The following KCNH8 variants were observed in gnomAD, a reference collection of about 807,000 sequenced individuals.
KCNH8 encodes the protein potassium voltage-gated channel subfamily H member 8.
In KCNH8, 70 loss-of-function variants were observed where a neutral mutation model predicts 103.6. The observed-to-expected ratio is 0.68, with a 90% CI of 0.56 to 0.82. The LOEUF is 0.82. Among genes scored for constraint, KCNH8 ranks in the 40% least tolerant of loss-of-function variants. KCNH8 has a pLI of 0.00. For synonymous variants in KCNH8, 498 were observed against 489.4 expected (o/e 1.02, Z -0.23); for missense variants, 1,217 against 1,329.9 (o/e 0.92, Z 1.32).
chr3:19,502,668 C>G (rs938662931), intron 11 of KCNH8, among the ~76,000 whole-genome samples: 77 of 151,592 alleles, frequency 5.1e-4, no homozygotes, highest in African/African-American at 1.8e-3. Flanking sequence ...GAAAAACAAG[C>G]AATGGGGAAA....
At chr3:19,356,419 G>A (rs2065882674) in intron 5 of KCNH8, among the ~76,000 whole-genome samples, 1 of 151,924 alleles carries the variant, frequency 6.6e-6, no homozygotes, top group Admixed American at 6.6e-5. Flanking sequence ...GTGTCTGATT[G>A]TAATTATGCT....
chr3:19,459,340 G>T (rs542669437), intron 11 of KCNH8, among the ~76,000 whole-genome samples: 1 of 151,858 alleles, frequency 6.6e-6, no homozygotes, highest in South Asian at 2.1e-4. Flanking sequence ...TAGCAATATT[G>T]AGCATATTTT....
At chr3:19,313,490 C>T (rs2065232557) in intron 3 of KCNH8, among the ~76,000 whole-genome samples, 1 of 151,866 alleles carries the variant, frequency 6.6e-6, no homozygotes, top group Non-Finnish European at 1.5e-5. Flanking sequence ...CACTATATGA[C>T]ACAAAAGCAT....
intron 1 of KCNH8, among the ~76,000 whole-genome samples, chr3:19,168,380 A>G (rs142824691): frequency 1.1e-4 from 16 of 152,264 alleles, no homozygotes; most frequent in African/African-American, 3.4e-4. Flanking sequence ...TATAAATGGA[A>G]TTATATAGTA....
In KCNH8 at chr3:19,451,160, G is replaced by T; in HGVS notation, c.1581G>T (p.Leu527Phe). The change falls in exon 10 of 16, where the codon TTG becomes TTT. Residue 527 changes from leucine (L) to phenylalanine (F), a missense_variant. Transcript: ENST00000328405. ...TCCTTCATCTTCTCTGACAGCTTTTGAAAGACTTTCCAGATGAACTGCGTT... is the reference window on the plus strand; with the variant it reads ...TCCTTCATCTTCTCTGACAGCTTTTTAAAGACTTTCCAGATGAACTGCGTT... ...VNNGIDSNEL[L>F]KDFPDELRSD... The T allele has an allele frequency of 6.2e-7, 1 of 1,613,568 alleles. No homozygotes were observed. Among genetic ancestry groups the T allele is most frequent in the South Asian group, 1.1e-5 (1 of 91,062 alleles).
chr3:19,257,492 A>G (rs541604126), intron 2 of KCNH8, among the ~76,000 whole-genome samples: 1 of 152,166 alleles, frequency 6.6e-6, no homozygotes, highest in South Asian at 2.1e-4. Context: ...CAACTTTAAT[A>G]TCAACTTTAA....
At chr3:19,489,147 G>A (rs551212572) in intron 11 of KCNH8, among the ~76,000 whole-genome samples, 1 of 152,082 alleles carries the variant, frequency 6.6e-6, no homozygotes, top group African/African-American at 2.4e-5. Context: ...TTCCTCTTTT[G>A]TCTATGCTGG....
chr3:19,490,266 G>C (rs1405231846), intron 11 of KCNH8, among the ~76,000 whole-genome samples: 2 of 152,222 alleles, frequency 1.3e-5, no homozygotes, highest in African/African-American at 4.8e-5. Context: ...GAACCGCTCA[G>C]ACACCGAATT....
intron 3 of KCNH8, among the ~76,000 whole-genome samples, chr3:19,299,101 T>C (rs1475946633): frequency 6.6e-6 from 1 of 152,126 alleles, no homozygotes; most frequent in Non-Finnish European, 1.5e-5. Context: ...ACACTGACAG[T>C]GTCCCTTGGT....
At chr3:19,166,319 T>C (rs1481194598) in intron 1 of KCNH8, among the ~76,000 whole-genome samples, 1 of 152,214 alleles carries the variant, frequency 6.6e-6, no homozygotes, top group Non-Finnish European at 1.5e-5. Context: ...TTTATGATGC[T>C]ACCTGTGAGA....
intron 1 of KCNH8, among the ~76,000 whole-genome samples, chr3:19,199,536 A>G (rs1049804592): frequency 2.7e-5 from 4 of 149,832 alleles, no homozygotes; most frequent in African/African-American, 9.9e-5. Context: ...GATCATTGCT[A>G]GAATCAATTC....
intron 2 of KCNH8, among the ~76,000 whole-genome samples, chr3:19,260,384 C>G (rs961623877): frequency 6.7e-6 from 1 of 149,660 alleles, no homozygotes. Flanking sequence ...CATGACCTTC[C>G]TCTTTTACAA....
intron 10 of KCNH8, among the ~76,000 whole-genome samples, chr3:19,454,195 TG>T (rs2067495654): frequency 2.1e-5 from 3 of 140,244 alleles, no homozygotes; most frequent in East Asian, 4.3e-4. Context: ...TGTGTGTGTG[TG>T]TTTTCTTTCT....
intron 7 of KCNH8, among the ~76,000 whole-genome samples, chr3:19,425,702 A>T (rs2067018934): frequency 6.6e-6 from 1 of 152,182 alleles, no homozygotes; most frequent in Non-Finnish European, 1.5e-5. Flanking sequence ...ATGAAGGGGC[A>T]ATTGCTGGCA....
intron 7 of KCNH8, among the ~76,000 whole-genome samples, chr3:19,401,123 G>T (rs2066607204): frequency 6.6e-6 from 1 of 151,878 alleles, no homozygotes; most frequent in Non-Finnish European, 1.5e-5. Context: ...ATGAACCAAG[G>T]ATCTCCTTTA....
intron 7 of KCNH8, among the ~76,000 whole-genome samples, chr3:19,400,886 T>C (rs560553446): frequency 6.6e-6 from 1 of 152,072 alleles, no homozygotes; most frequent in African/African-American, 2.4e-5. Flanking sequence ...CTAAAGAAGG[T>C]TGAATTTACT....
At position 19,156,148 on chromosome 3, in the gene KCNH8, C is replaced by G. The variant is rs1172103940; in HGVS notation, c.76+7353C>G. On this transcript the variant is annotated intron_variant, in intron 1 of 15. Coordinates refer to ENST00000328405, the MANE Select transcript of KCNH8 (RefSeq NM_144633.3). ...CAAGCACAAATTTCTTTTACAAACT[C>G]TAGTGATAATAGTGTCTATCATCTT... Among the ~76,000 whole-genome samples the G allele has an allele frequency of 2.0e-5, 3 of 152,148 alleles. No individual in the cohort carries two copies. The East Asian group carries it at 5.8e-4, about 29-fold the overall frequency.
intron 15 of KCNH8, among the ~76,000 whole-genome samples, chr3:19,524,529 T>C (rs1397754137): frequency 1.3e-5 from 2 of 151,934 alleles, no homozygotes; most frequent in African/African-American, 4.8e-5. Context: ...GGCAGATTTA[T>C]AACTCTCATG....
chr3:19,265,159 A>G (rs1278462457), intron 2 of KCNH8, among the ~76,000 whole-genome samples: 1 of 152,080 alleles, frequency 6.6e-6, no homozygotes, highest in African/African-American at 2.4e-5. Flanking sequence ...GTAAGTATGT[A>G]TTCTAGTTCA....
Sources: gnomAD v4.1 joint callset for allele counts (sites outside exome capture counted in the v4.1 genomes callset) on GRCh38, gnomAD v4.1.1 for gene constraint, MANE v1.5 for transcripts, NCBI Gene and HGNC (gene_info 2026-07-23, HGNC 2026-07-21) for gene names.